NCKAP1: variants seen among roughly 807,000 people sequenced by gnomAD.
The protein encoded by NCKAP1 is NCK associated protein 1.
NCKAP1 carries 21 observed loss-of-function variants against 151.2 expected under a neutral mutation model. That is an observed-to-expected ratio of 0.14 (90% CI 0.10 to 0.20). The LOEUF is 0.20. Among genes scored for constraint, NCKAP1 ranks in the 10% least tolerant of loss-of-function variants. The pLI is 1.00. For synonymous variants in NCKAP1, 484 were observed against 451.8 expected (o/e 1.07, Z -0.90); for missense variants, 933 against 1,352.1 (o/e 0.69, Z 4.86).
chr2:182,913,266 TGAATGTGTCCCCG>T lies in NCKAP1; in HGVS notation c.*12423_*12435del, dbSNP rs1170922674. 6.6e-6 allele frequency: 1 copy of T among 152,224 alleles called. No individual in the cohort carries two copies. The highest frequency in any genetic ancestry group is 1.5e-5 in the Non-Finnish European group (1 of 68,048). 9.4% of individuals were successfully genotyped at this position (152,224 alleles called of 1,614,324 possible). A position where few individuals can be genotyped will look rare whatever the true frequency, so the allele number is the denominator to read the frequency against. ...ATATTTATTGAGGACTGTTGTGGCTTGAATGTGTCCCCGAAAAGTTCATGTGTTGGAAATTTGG... is the reference window on the plus strand; with the variant it reads ...ATATTTATTGAGGACTGTTGTGGCTTAAAAGTTCATGTGTTGGAAATTTGG... On this transcript the variant is annotated 3_prime_UTR_variant, in exon 31 of 31. Transcript: ENST00000361354.
At chr2:182,929,061 T>C (rs1247422396) in intron 27 of NCKAP1, among the ~76,000 whole-genome samples, 162 bp from the exon 28 acceptor site, 1 of 151,978 alleles carries the variant, frequency 6.6e-6, no homozygotes, top group Non-Finnish European at 1.5e-5. Context: ...CACAATTTTG[T>C]TATAAAAATA....
chr2:182,931,593 T>C lies in NCKAP1; in HGVS notation c.2860-805A>G, dbSNP rs148919043. On this transcript the variant is annotated intron_variant, in intron 26 of 30. Transcript: ENST00000361354. ...GCTTAGAAAAAAATATAGGCACAAA[T>C]CATCATGACACTGCATTAGGCAATG... is the stretch of plus-strand genomic sequence containing the variant. Among the ~76,000 whole-genome samples the C allele has an allele frequency of 1.2e-4, 18 of 152,076 alleles. No individual in the cohort carries two copies. In the East Asian group the frequency reaches 2.9e-3, roughly 24 times the overall value.
At position 183,037,984 on chromosome 2, in the gene NCKAP1, G is replaced by C. The variant is rs537773552; in HGVS notation, c.108+8C>G. On this transcript the variant is annotated splice_region_variant and intron_variant, in intron 1 of 30. Transcript: ENST00000361354. ...GCCTCCGCCGCGGCCTCCCCGGCCC[G>C]TGCGCACCTTCTTGATGTTGTAGAG... The C allele has an allele frequency of 1.3e-6, 2 of 1,574,092 alleles. No individual in the cohort carries two copies. The highest frequency in any genetic ancestry group is 1.7e-6 in the Non-Finnish European group (2 of 1,167,322).
chr2:182,942,928 G>C (rs1254866646), intron 23 of NCKAP1, among the ~76,000 whole-genome samples: 2 of 152,122 alleles, frequency 1.3e-5, no homozygotes, highest in African/African-American at 2.4e-5. Flanking sequence ...AACAAAGAGA[G>C]AAGTGAGAGA....
chr2:183,022,058 T>C (rs1278396568), intron 2 of NCKAP1, among the ~76,000 whole-genome samples: 2 of 152,138 alleles, frequency 1.3e-5, no homozygotes, highest in Non-Finnish European at 2.9e-5. Flanking sequence ...TAATAAACAG[T>C]TTGCCCGGCA....
At chr2:182,982,159 T>G (rs927836794) in intron 12 of NCKAP1, among the ~76,000 whole-genome samples, 2 of 152,124 alleles carry the variant, frequency 1.3e-5, no homozygotes, top group African/African-American at 4.8e-5. Context: ...GTAAATAGTT[T>G]TAAAAAATGA....
rs771098849 is a variant in NCKAP1, at chr2:182,935,337, C to T, written c.2734G>A (p.Val912Ile). Residue 912 changes from valine (V) to isoleucine (I), a missense_variant, in exon 25 of 31, where the codon GTA (valine) becomes ATA (isoleucine). Val to Ile is a conservative substitution (Grantham distance 29). Around this residue, in one of 2 missense-constraint regions of NCKAP1, gnomAD observed 326 missense variants for 557.1 expected, o/e 0.59. Transcript: ENST00000361354. Reference protein sequence around the residue: ...SVLKRMTIIGVILSFRSLAQE... With the variant: ...SVLKRMTIIGIILSFRSLAQE... ...GCCAATGATCGGAAGGATAAAATTACACCAATTATTGTCATCCTCTTCAAG... is the reference window on the plus strand; with the variant it reads ...GCCAATGATCGGAAGGATAAAATTATACCAATTATTGTCATCCTCTTCAAG... 17 of 1,589,858 alleles carry T rather than the reference C, an allele frequency of 1.1e-5. No homozygotes were observed.
At chr2:183,031,222 C>CA (rs11410653) in intron 1 of NCKAP1, among the ~76,000 whole-genome samples, 3,180 of 151,140 alleles carry the variant, frequency 0.021, 113 homozygotes, top group African/African-American at 0.073. Flanking sequence ...ATTAGTGATT[C>CA]AAAAAAAAGA....
chr2:183,009,423 GA>G (rs1575062971), intron 2 of NCKAP1, among the ~76,000 whole-genome samples: 3 of 54,278 alleles, frequency 5.5e-5, no homozygotes, highest in East Asian at 9.7e-4. Context: ...AGAGGGAAGG[GA>G]AGGAAGGAAG....
chr2:183,006,151 G>A (rs1197047133), intron 2 of NCKAP1, among the ~76,000 whole-genome samples: 2 of 152,164 alleles, frequency 1.3e-5, no homozygotes, highest in Non-Finnish European at 2.9e-5. Flanking sequence ...AAACTTCAAA[G>A]ACTACCAGTG....
At chr2:182,981,504 C>A in intron 12 of NCKAP1, 128 bp from the exon 13 acceptor site, 3 of 540,844 alleles carry the variant, frequency 5.5e-6, no homozygotes, top group Admixed American at 3.6e-5. Context: ...TACTTAATGT[C>A]AATTACTTCC....
intron 2 of NCKAP1, among the ~76,000 whole-genome samples, chr2:183,016,298 T>C (rs2105888247): frequency 6.6e-6 from 1 of 152,364 alleles, no homozygotes; most frequent in East Asian, 1.9e-4. Context: ...TCCCTGCCAC[T>C]ATTTGACCTA....
intron 15 of NCKAP1, among the ~76,000 whole-genome samples, chr2:182,973,497 A>G (rs771765842): frequency 1.3e-5 from 2 of 152,166 alleles, no homozygotes; most frequent in Non-Finnish European, 2.9e-5. Flanking sequence ...AAGAGTAGGA[A>G]AAGGACAGAG....
At chr2:183,002,311 TA>T (rs1575058720) in intron 4 of NCKAP1, 42 bp from the exon 5 acceptor site, 1 of 1,331,760 alleles carries the variant, frequency 7.5e-7, no homozygotes, top group Non-Finnish European at 1.0e-6. Context: ...TCCTATTTCT[TA>T]AAATTTTAAA....
Position 182,952,898 on chromosome 2 carries a change from C to T in NCKAP1, c.2398G>A (p.Val800Ile), listed in dbSNP as rs990942017. 6.2e-7 allele frequency: 1 copy of T among 1,611,016 alleles called. No homozygotes were observed. The highest frequency in any genetic ancestry group is 8.5e-7 in the Non-Finnish European group (1 of 1,179,144). Residue 800 changes from valine (V) to isoleucine (I), a missense_variant, in exon 22 of 31, where the codon GTC becomes ATC. Around this residue, in one of 2 missense-constraint regions of NCKAP1, gnomAD observed 326 missense variants for 557.1 expected, o/e 0.59. Coordinates refer to ENST00000361354, the MANE Select transcript of NCKAP1 (RefSeq NM_013436.5). ...NWYLETLLRQ[V>I]SNGHIAYFPA... Reference sequence around the variant, plus strand: ...AAATATGCTATATGGCCATTGCTGACTTGTCGTAACAAAGTTTCCAAATAC... The same window carrying T: ...AAATATGCTATATGGCCATTGCTGATTTGTCGTAACAAAGTTTCCAAATAC...
chr2:182,974,820 A>G (rs563313628), intron 15 of NCKAP1, among the ~76,000 whole-genome samples: 1 of 152,244 alleles, frequency 6.6e-6, no homozygotes, highest in East Asian at 1.9e-4. Flanking sequence ...TATAGATTAC[A>G]TGAAAAAAAA....
At chr2:182,970,864 AC>A (rs1416981319) in intron 15 of NCKAP1, among the ~76,000 whole-genome samples, 1 of 1,034 alleles carries the variant, frequency 9.7e-4, no homozygotes, top group East Asian at 0.033. Flanking sequence ...ATTTACAAAA[AC>A]CTAAAGACTA....
chr2:182,938,393 T>C (rs751090642), intron 24 of NCKAP1, among the ~76,000 whole-genome samples: 1 of 151,764 alleles, frequency 6.6e-6, no homozygotes, highest in Non-Finnish European at 1.5e-5. Flanking sequence ...AAAATAAAGC[T>C]TTAATAAAAA....
chr2:183,015,980 G>A (rs1342201029), intron 2 of NCKAP1, among the ~76,000 whole-genome samples: 1 of 152,066 alleles, frequency 6.6e-6, no homozygotes, highest in Non-Finnish European at 1.5e-5. Flanking sequence ...GAAGTAAGGG[G>A]AAGTAAATTG....
Sources: gnomAD v4.1 joint callset for allele counts (sites outside exome capture counted in the v4.1 genomes callset) on GRCh38, gnomAD v4.1.1 for gene constraint, gnomAD v4.1.1 regional missense constraint, MANE v1.5 for transcripts, NCBI Gene and HGNC (gene_info 2026-07-23, HGNC 2026-07-21) for gene names.